Variants in ERC2 observed in about 807,000 individuals in gnomAD.
ERC2 encodes the protein ELKS/RAB6-interacting/CAST family member 2, also known as ERC protein 2.
In ERC2, 42 loss-of-function variants were observed where a neutral mutation model predicts 114.8. The observed-to-expected ratio is 0.37, with a 90% CI of 0.29 to 0.47. ERC2 has a LOEUF of 0.47. Ranked by LOEUF, ERC2 falls within the 20% of genes least tolerant of loss-of-function variation. The probability of loss-of-function intolerance (pLI) is 0.99; values close to 1 mark genes in which losing one functional copy is unlikely to be tolerated. For synonymous variants in ERC2, 454 were observed against 425.5 expected, an observed-to-expected ratio of 1.07 and a Z score of -0.82; for missense variants, 939 against 1,150.7, an observed-to-expected ratio of 0.82 and a Z score of 2.66.
At chr3:55,682,128 T>C (rs576961268) in intron 17 of ERC2, among the ~76,000 whole-genome samples, 2 of 152,378 alleles carry the variant, frequency 1.3e-5, no homozygotes, top group South Asian at 2.1e-4. Flanking sequence ...TCATTTCATA[T>C]GACTTTAGGT....
intron 10 of ERC2, among the ~76,000 whole-genome samples, chr3:55,998,621 A>G (rs2071787537): frequency 6.6e-6 from 1 of 152,226 alleles, no homozygotes; most frequent in Non-Finnish European, 1.5e-5. Flanking sequence ...AATACTTTTC[A>G]GAAATAGGCT....
chr3:55,666,001 CAGGTG>C (rs2061342941), intron 17 of ERC2, among the ~76,000 whole-genome samples: 1 of 152,204 alleles, frequency 6.6e-6, no homozygotes, highest in African/African-American at 2.4e-5. Context: ...ATCACAGCCT[CAGGTG>C]GGGTGGCCAG....
intron 2 of ERC2, among the ~76,000 whole-genome samples, chr3:56,309,664 A>C (rs2056427363): frequency 6.6e-6 from 1 of 152,240 alleles, no homozygotes; most frequent in Admixed American, 6.5e-5. Flanking sequence ...CTCATCCGTA[A>C]ACAGGAAATA....
intron 6 of ERC2, among the ~76,000 whole-genome samples, chr3:56,083,589 C>T (rs1443347811): frequency 6.6e-6 from 1 of 151,990 alleles, no homozygotes; most frequent in East Asian, 1.9e-4. Flanking sequence ...GAATACATAA[C>T]TAAGAATTAA....
At chr3:56,194,330 G>A (rs34027389) in intron 3 of ERC2, among the ~76,000 whole-genome samples, 12,221 of 152,200 alleles carry the variant, frequency 0.08, 662 homozygotes, top group Admixed American at 0.15. Context: ...TTAAATTAAG[G>A]ATCTCAAGAT....
chr3:55,555,053 G>A (rs1300464477), intron 17 of ERC2, among the ~76,000 whole-genome samples: 2 of 152,098 alleles, frequency 1.3e-5, no homozygotes, highest in East Asian at 3.9e-4. Flanking sequence ...CCTTGGGGAA[G>A]TCAGCACCGA....
chr3:56,131,804 T>C (rs1472790073), intron 6 of ERC2, among the ~76,000 whole-genome samples: 4 of 152,166 alleles, frequency 2.6e-5, no homozygotes, highest in African/African-American at 7.2e-5. Context: ...TTAACAATAA[T>C]TTATTGTATA....
chr3:56,362,326 A>C (rs1321440969), intron 2 of ERC2, among the ~76,000 whole-genome samples: 1 of 152,210 alleles, frequency 6.6e-6, no homozygotes. Flanking sequence ...CAAAATAAGG[A>C]AAACACCTTT....
rs565883545 is a variant in ERC2, at chr3:55,616,912, G to A, written c.*39+66882C>T. ...GACTGTGAAAAACAGGGGAGGAGGT[G>A]AAGTGATGAGCCATTTCACTTCACT... On this transcript the variant is annotated intron_variant, in intron 17 of 17. Coordinates refer to ENST00000288221, the MANE Select transcript of ERC2 (RefSeq NM_015576.3). 3.3e-5 allele frequency among the ~76,000 whole-genome samples: 5 copies of A among 152,252 alleles called. No individual in the cohort carries two copies. The South Asian group carries it at 1.0e-3, about 32-fold the overall frequency.
At chr3:56,344,961 G>A (rs1048135573) in intron 2 of ERC2, among the ~76,000 whole-genome samples, 6 of 152,174 alleles carry the variant, frequency 3.9e-5, no homozygotes, top group Non-Finnish European at 2.9e-5. Flanking sequence ...TTCTTCCTCA[G>A]CAAGACCACT....
At chr3:56,097,021 T>C (rs1190815728) in intron 6 of ERC2, among the ~76,000 whole-genome samples, 1 of 152,208 alleles carries the variant, frequency 6.6e-6, no homozygotes, top group Non-Finnish European at 1.5e-5. Flanking sequence ...AAGGTGTGTG[T>C]TGAATTTAGG....
At chr3:56,293,144 T>C (rs1246783777) in intron 3 of ERC2, among the ~76,000 whole-genome samples, 3 of 152,236 alleles carry the variant, frequency 2.0e-5, no homozygotes, top group East Asian at 1.9e-4. Context: ...ATGAATGAGA[T>C]GATTCAGTGT....
intron 17 of ERC2, among the ~76,000 whole-genome samples, chr3:55,614,361 C>G (rs557464311): frequency 6.1e-4 from 93 of 152,174 alleles, no homozygotes; most frequent in African/African-American, 2.1e-3. Flanking sequence ...TATTCTTTTT[C>G]TCTGAGTACA....
At chr3:55,782,014 G>C (rs1009574058) in intron 14 of ERC2, among the ~76,000 whole-genome samples, 2 of 152,096 alleles carry the variant, frequency 1.3e-5, no homozygotes, top group Non-Finnish European at 2.9e-5. Flanking sequence ...TAGAGAGAAG[G>C]GGATCTGAGG....
At chr3:55,598,511 C>T (rs2058253269) in intron 17 of ERC2, among the ~76,000 whole-genome samples, 1 of 152,222 alleles carries the variant, frequency 6.6e-6, no homozygotes. Flanking sequence ...CCAATGAGCT[C>T]GATAAATGTC....
intron 2 of ERC2, among the ~76,000 whole-genome samples, chr3:56,370,461 A>G (rs1023886941): frequency 2.0e-5 from 3 of 152,176 alleles, no homozygotes; most frequent in Non-Finnish European, 4.4e-5. Context: ...TGCCTGAAGG[A>G]AACAGTTACT....
intron 17 of ERC2, among the ~76,000 whole-genome samples, chr3:55,515,586 T>A (rs2052439655): frequency 6.6e-6 from 1 of 151,906 alleles, no homozygotes; most frequent in Non-Finnish European, 1.5e-5. Flanking sequence ...TGGATTTTTT[T>A]AAACCTAAGA....
chr3:56,090,300 T>C (rs112639431), intron 6 of ERC2, among the ~76,000 whole-genome samples: 143 of 152,338 alleles, frequency 9.4e-4, no homozygotes, highest in Non-Finnish European at 1.5e-3. Context: ...GCAGCTATTT[T>C]AATTTCAGAT....
chr3:56,369,831 C>G (rs1457545907), intron 2 of ERC2, among the ~76,000 whole-genome samples: 1 of 152,180 alleles, frequency 6.6e-6, no homozygotes, highest in Non-Finnish European at 1.5e-5. Context: ...TGCACGCCAT[C>G]ACGCCCGGCT....
Sources: gnomAD v4.1 joint callset for allele counts (sites outside exome capture counted in the v4.1 genomes callset) on GRCh38, gnomAD v4.1.1 for gene constraint, MANE v1.5 for transcripts, NCBI Gene and HGNC (gene_info 2026-07-23, HGNC 2026-07-21) for gene names.